Variants in MEGF11 observed in about 807,000 individuals in gnomAD.
The protein encoded by MEGF11 is multiple EGF like domains 11, also known as multiple epidermal growth factor-like domains protein 11.
Under a neutral mutation model 146.6 loss-of-function variants are expected in MEGF11, and 126 were observed. That is an observed-to-expected ratio of 0.86 (90% CI 0.74 to 1.00). The LOEUF is 1.00. Ranked by LOEUF, MEGF11 falls within the 50% of genes least tolerant of loss-of-function variation. MEGF11 has a pLI of 0.00. For synonymous variants in MEGF11, 532 were observed against 583.4 expected (o/e 0.91, Z 1.27); for missense variants, 1,509 against 1,521.2 (o/e 0.99, Z 0.13).
chr15:66,163,410 C>G (rs2090008789), intron 1 of MEGF11, among the ~76,000 whole-genome samples: 1 of 152,078 alleles, frequency 6.6e-6, no homozygotes, highest in Non-Finnish European at 1.5e-5. Flanking sequence ...GGCTTGTGAA[C>G]TGAAGTGGAG....
chr15:66,201,008 T>C (rs2091144406), intron 1 of MEGF11, among the ~76,000 whole-genome samples: 1 of 152,036 alleles, frequency 6.6e-6, no homozygotes, highest in Admixed American at 6.6e-5. Flanking sequence ...CCCCTGCATG[T>C]ACACCCCATT....
intron 9 of MEGF11, among the ~76,000 whole-genome samples, chr15:65,961,378 A>G (rs1267290590): frequency 3.3e-5 from 5 of 152,120 alleles, no homozygotes. Flanking sequence ...TCCAGAGTGG[A>G]TTTTTCTGCC....
intron 5 of MEGF11, among the ~76,000 whole-genome samples, chr15:66,061,717 C>T (rs969217212): frequency 6.7e-6 from 1 of 149,926 alleles, no homozygotes; most frequent in African/African-American, 2.5e-5. Flanking sequence ...CTCACTGTGG[C>T]CTCAAATTTC....
chr15:66,102,324 C>G (rs986424687), intron 4 of MEGF11, among the ~76,000 whole-genome samples: 3 of 150,320 alleles, frequency 2.0e-5, no homozygotes, highest in Non-Finnish European at 4.4e-5. Flanking sequence ...AGAGCCATGA[C>G]TAGGCTTCTC....
In MEGF11 at chr15:65,983,405, G is replaced by A. The variant is rs543439265; in HGVS notation, c.395-917C>T. On this transcript the variant is annotated intron_variant, in intron 5 of 25. Coordinates refer to ENST00000395614, the MANE Select transcript of MEGF11 (RefSeq NM_001385028.1). ...GCCACCTCCCACTCTGACCCTCCCCGATGCATATGGGACACACAATAACAA... is the reference window on the plus strand; with the variant it reads ...GCCACCTCCCACTCTGACCCTCCCCAATGCATATGGGACACACAATAACAA... 1.1e-4 allele frequency among the ~76,000 whole-genome samples: 16 copies of A among 152,300 alleles called. No homozygotes were observed. The South Asian group carries it at 3.3e-3, about 32-fold the overall frequency.
chr15:66,223,556 C>G (rs2091783263), intron 1 of MEGF11, among the ~76,000 whole-genome samples: 1 of 152,126 alleles, frequency 6.6e-6, no homozygotes, highest in African/African-American at 2.4e-5. Flanking sequence ...AACCCCACCT[C>G]TCCTAAAAAT....
chr15:66,006,384 G>T (rs1212069424), intron 5 of MEGF11, among the ~76,000 whole-genome samples: 2 of 152,214 alleles, frequency 1.3e-5, no homozygotes, highest in African/African-American at 4.8e-5. Flanking sequence ...GCCCTCTGAG[G>T]GGGATGAGGA....
At chr15:66,152,308 GT>G (rs2089599958) in intron 1 of MEGF11, among the ~76,000 whole-genome samples, 1 of 151,990 alleles carries the variant, frequency 6.6e-6, no homozygotes, top group Non-Finnish European at 1.5e-5. Flanking sequence ...AGGGTCCCTG[GT>G]TTTCAGAGAC....
At chr15:65,947,840 A>G (rs1269023110) in intron 10 of MEGF11, among the ~76,000 whole-genome samples, 3 of 152,248 alleles carry the variant, frequency 2.0e-5, no homozygotes, top group Admixed American at 1.3e-4. Context: ...TGCTGCGGCC[A>G]CTAGGCCTGA....
chr15:66,131,637 G>C (rs1004868300), intron 1 of MEGF11, among the ~76,000 whole-genome samples: 2 of 152,114 alleles, frequency 1.3e-5, no homozygotes, highest in African/African-American at 4.8e-5. Flanking sequence ...TCTACAGCTG[G>C]GTTCTGTGGA....
intron 4 of MEGF11, among the ~76,000 whole-genome samples, chr15:66,104,857 G>A (rs547703481): frequency 5.3e-5 from 8 of 152,182 alleles, no homozygotes; most frequent in Admixed American, 2.0e-4. Flanking sequence ...GAGGCAAAAC[G>A]CGAGTCCTCT....
intron 1 of MEGF11, among the ~76,000 whole-genome samples, chr15:66,155,702 G>A (rs1347675614): frequency 2.0e-5 from 3 of 152,078 alleles, no homozygotes. Context: ...AGTGACTTGG[G>A]CCAAGAAACT....
Position 65,965,124 on chromosome 15 carries a change from T to G in MEGF11, c.900-4A>C, listed in dbSNP as rs536967336. On this transcript the variant is annotated splice_polypyrimidine_tract_variant and splice_region_variant and intron_variant, in intron 8 of 25. Coordinates refer to ENST00000395614, the MANE Select transcript of MEGF11 (RefSeq NM_001385028.1). The stretch of plus-strand genomic sequence containing the variant: ...GAAGGGGCACTCCTCTTGGCACCTG[T>G]GGGAGAGCAGAGTGGGGCTGAGGCT... 2.2e-4 allele frequency: 342 copies of G among 1,580,680 alleles called. No homozygotes were observed. The highest frequency in any genetic ancestry group is 2.7e-4 in the Non-Finnish European group (315 of 1,159,514).
chr15:66,079,477 A>G (rs183440691), intron 5 of MEGF11, among the ~76,000 whole-genome samples: 7 of 151,440 alleles, frequency 4.6e-5, no homozygotes, highest in South Asian at 2.1e-4. Context: ...AAAGGCATGC[A>G]GTTGCTATAG....
At chr15:66,088,570 A>G (rs969358083) in intron 5 of MEGF11, among the ~76,000 whole-genome samples, 2 of 152,036 alleles carry the variant, frequency 1.3e-5, no homozygotes, top group Non-Finnish European at 2.9e-5. Flanking sequence ...CAGGAGAATC[A>G]CTTGAACCTG....
Position 66,128,410 on chromosome 15 carries a change from C to T in MEGF11, c.-7G>A, listed in dbSNP as rs750727648. 1.4e-6 allele frequency: 2 copies of T among 1,472,832 alleles called. No individual in the cohort carries two copies. The highest frequency in any genetic ancestry group is 1.4e-5 in the South Asian group (1 of 71,240). 91.2% of individuals were successfully genotyped at this position (1,472,832 alleles called of 1,614,324 possible). ...CCGTCAGGGAGAGCACCATCCCGGG[C>T]CCTGCACAGGAGAACAAAGGAGGCT... On this transcript the variant is annotated splice_region_variant and 5_prime_UTR_variant, in exon 2 of 26. Transcript: ENST00000395614.
At chr15:65,932,367 G>C (rs1039512943) in intron 10 of MEGF11, among the ~76,000 whole-genome samples, 3 of 152,180 alleles carry the variant, frequency 2.0e-5, no homozygotes, top group African/African-American at 7.2e-5. Flanking sequence ...AGCTGGGGAA[G>C]AATGAGTGCT....
chr15:65,957,794 C>T, intron 9 of MEGF11, 73 bp from the exon 10 acceptor site: 1 of 1,480,376 alleles, frequency 6.8e-7, no homozygotes, highest in Non-Finnish European at 9.3e-7. Flanking sequence ...TCTGTCTACC[C>T]CAAGCCTGGC....
At chr15:66,175,569 GA>G (rs2090370734) in intron 1 of MEGF11, among the ~76,000 whole-genome samples, 1 of 152,180 alleles carries the variant, frequency 6.6e-6, no homozygotes, top group African/African-American at 2.4e-5. Context: ...ATACAATGGG[GA>G]AAGGACATTG....
Sources: allele counts gnomAD v4.1 joint callset (sites outside exome capture counted in the v4.1 genomes callset), GRCh38; gene constraint gnomAD v4.1.1; transcripts MANE v1.5; gene names NCBI Gene and HGNC (gene_info 2026-07-23, HGNC 2026-07-21).